CFAP299: variants seen among roughly 807,000 people sequenced by gnomAD.
CFAP299 encodes cilia- and flagella-associated protein 299.
In CFAP299, 21 loss-of-function variants were observed where a neutral mutation model predicts 27.0. The observed-to-expected ratio is 0.78, with a 90% CI of 0.55 to 1.12. The LOEUF (loss-of-function observed/expected upper bound fraction) is 1.12, where lower values mean the gene tolerates loss of function less well. CFAP299 is among the 50% of genes most tolerant of loss of function. CFAP299 has a pLI of 0.00. For missense variants in CFAP299, 310 were observed against 276.6 expected (o/e 1.12, Z -0.86); for synonymous variants, 104 against 98.1 (o/e 1.06, Z -0.36).
intron 3 of CFAP299, among the ~76,000 whole-genome samples, chr4:80,743,312 C>T (rs1016959263): frequency 6.6e-6 from 1 of 151,874 alleles, no homozygotes; most frequent in Admixed American, 6.6e-5. Context: ...AAATTTTAAG[C>T]ATCATAGTAG....
chr4:80,428,575 G>A (rs1375886699), intron 2 of CFAP299, among the ~76,000 whole-genome samples: 1 of 151,968 alleles, frequency 6.6e-6, no homozygotes, highest in African/African-American at 2.4e-5. Context: ...CACCTGGGCT[G>A]GAGTGCGGTG....
At chr4:80,527,283 A>T (rs529680555) in intron 2 of CFAP299, among the ~76,000 whole-genome samples, 11 of 151,692 alleles carry the variant, frequency 7.3e-5, no homozygotes, top group African/African-American at 2.7e-4. Flanking sequence ...GTGAAAAAAA[A>T]CATATTGGAG....
chr4:80,390,720 C>CATATGTGTATATATGTATATATGT (rs1208322596), intron 2 of CFAP299, among the ~76,000 whole-genome samples: 1 of 138,164 alleles, frequency 7.2e-6, no homozygotes, highest in Non-Finnish European at 1.5e-5. Context: ...TGTATACACA[C>CATATGTGTATATATGTATATATGT]ATACATGTAT....
chr4:80,833,487 T>C (rs1288627184), intron 3 of CFAP299, among the ~76,000 whole-genome samples: 1 of 152,020 alleles, frequency 6.6e-6, no homozygotes, highest in Non-Finnish European at 1.5e-5. Context: ...AGACAACTAC[T>C]TTTAAAGGAA....
chr4:80,545,719 G>A (rs1423263439), intron 2 of CFAP299, among the ~76,000 whole-genome samples: 1 of 152,176 alleles, frequency 6.6e-6, no homozygotes, highest in Non-Finnish European at 1.5e-5. Flanking sequence ...AATCAAGGAG[G>A]AGGGACTCCT....
chr4:80,495,202 G>A (rs1244413306), intron 2 of CFAP299, among the ~76,000 whole-genome samples: 1 of 152,142 alleles, frequency 6.6e-6, no homozygotes, highest in Non-Finnish European at 1.5e-5. Context: ...AATGAAGTTA[G>A]CAAGAAGAAA....
chr4:80,385,187 G>C (rs1724904572), intron 2 of CFAP299, among the ~76,000 whole-genome samples: 1 of 152,024 alleles, frequency 6.6e-6, no homozygotes, highest in African/African-American at 2.4e-5. Flanking sequence ...TACATCTTGA[G>C]AGCTTATTCC....
rs115577696 is a variant in CFAP299, at chr4:80,499,383, C to T, written c.243-83710C>T. Among the ~76,000 whole-genome samples the T allele has an allele frequency of 5.7e-3, 870 of 152,170 alleles. 10 individuals are homozygous for T. The highest frequency in any genetic ancestry group is 0.02 in the African/African-American group (843 of 41,536). On this transcript the variant is annotated intron_variant, in intron 2 of 5. Transcript: ENST00000358105. ...GTAGTTTTTTATTGGGTACTTTATTCTAATACAGTATAATATGCTTCAAAA... is the reference window on the plus strand; with the variant it reads ...GTAGTTTTTTATTGGGTACTTTATTTTAATACAGTATAATATGCTTCAAAA...
At chr4:80,359,584 A>T (rs533789941) in intron 1 of CFAP299, among the ~76,000 whole-genome samples, 57 of 152,190 alleles carry the variant, frequency 3.7e-4, no homozygotes, top group Non-Finnish European at 1.5e-4. Flanking sequence ...TCAAGCTCTG[A>T]GATTCTTCCC....
chr4:80,521,829 A>G (rs538758244), intron 2 of CFAP299, among the ~76,000 whole-genome samples: 1 of 151,774 alleles, frequency 6.6e-6, no homozygotes, highest in East Asian at 1.9e-4. Flanking sequence ...ATTCCATTGT[A>G]GGTATATATC....
chr4:80,348,816 T>A (rs1722881041), intron 1 of CFAP299, among the ~76,000 whole-genome samples: 2 of 152,204 alleles, frequency 1.3e-5, no homozygotes, highest in Non-Finnish European at 2.9e-5. Flanking sequence ...AGCAAACACA[T>A]GTTTACCTAA....
chr4:80,355,870 T>G (rs959710117), intron 1 of CFAP299, among the ~76,000 whole-genome samples: 1 of 152,226 alleles, frequency 6.6e-6, no homozygotes, highest in Non-Finnish European at 1.5e-5. Context: ...TTTTTGCTTT[T>G]GTTGCAGTTG....
At chr4:80,499,292 T>C (rs1311587883) in intron 2 of CFAP299, among the ~76,000 whole-genome samples, 1 of 152,174 alleles carries the variant, frequency 6.6e-6, no homozygotes, top group Non-Finnish European at 1.5e-5. Context: ...AAAAATGTCA[T>C]TCAATCTTTT....
At chr4:80,424,982 G>A (rs1727465334) in intron 2 of CFAP299, among the ~76,000 whole-genome samples, 1 of 152,096 alleles carries the variant, frequency 6.6e-6, no homozygotes, top group South Asian at 2.1e-4. Context: ...TTACTTCCAG[G>A]AGACTCTTCG....
At chr4:80,860,157 C>A (rs1311827065) in intron 3 of CFAP299, among the ~76,000 whole-genome samples, 1 of 152,144 alleles carries the variant, frequency 6.6e-6, no homozygotes, top group Non-Finnish European at 1.5e-5. Context: ...TCATTTCATT[C>A]ATTTCATCTT....
At chr4:80,374,000 G>T (rs1724280930) in intron 2 of CFAP299, among the ~76,000 whole-genome samples, 1 of 152,116 alleles carries the variant, frequency 6.6e-6, no homozygotes, top group Non-Finnish European at 1.5e-5. Context: ...CCATTTTCCT[G>T]AGCATTTTCC....
intron 3 of CFAP299, among the ~76,000 whole-genome samples, chr4:80,614,863 C>T (rs923554290): frequency 1.3e-5 from 2 of 152,210 alleles, no homozygotes; most frequent in African/African-American, 4.8e-5. Flanking sequence ...CAGAGAAAAA[C>T]ACAATTTTAA....
chr4:80,580,033 G>C (rs1427425849), intron 2 of CFAP299, among the ~76,000 whole-genome samples: 1 of 152,058 alleles, frequency 6.6e-6, no homozygotes, highest in African/African-American at 2.4e-5. Context: ...TACCCTAACT[G>C]TATAGTCATT....
intron 2 of CFAP299, among the ~76,000 whole-genome samples, chr4:80,390,858 T>C (rs921275841): frequency 7.2e-6 from 1 of 138,906 alleles, no homozygotes; most frequent in East Asian, 2.1e-4. Flanking sequence ...TATATGTATA[T>C]GTATATGCGC....
Sources: gnomAD v4.1 joint callset for allele counts (sites outside exome capture counted in the v4.1 genomes callset) on GRCh38, gnomAD v4.1.1 for gene constraint, MANE v1.5 for transcripts, NCBI Gene and HGNC (gene_info 2026-07-23, HGNC 2026-07-21) for gene names.